The following IL1RAPL1 variants were observed in gnomAD, a reference collection of about 807,000 sequenced individuals.
The protein encoded by IL1RAPL1 is interleukin 1 receptor accessory protein like 1, also known as interleukin-1 receptor accessory protein-like 1.
A neutral mutation model predicts 48.4 loss-of-function variants in IL1RAPL1; 3 were observed. The observed-to-expected ratio is 0.06, with a 90% CI of 0.03 to 0.16. The LOEUF is 0.16. Ranked by LOEUF, IL1RAPL1 falls within the 10% of genes least tolerant of loss-of-function variation. The pLI, the probability that IL1RAPL1 is intolerant of heterozygous loss-of-function variation, is 1.00. For synonymous variants in IL1RAPL1, 185 were observed against 187.7 expected (o/e 0.99, Z 0.12); for missense variants, 349 against 530.6 (o/e 0.66, Z 3.36).
At chrX:29,059,383 A>G (rs747699881) in intron 2 of IL1RAPL1, among the ~76,000 whole-genome samples, 2 of 112,153 alleles carry the variant, frequency 1.8e-5, no homozygotes, top group Non-Finnish European at 1.9e-5. Context: ...AATAAATAGA[A>G]TGGAAGTAAA....
chrX:28,874,031 A>T lies in IL1RAPL1; in HGVS notation c.82+84606A>T, dbSNP rs779853723. Among the ~76,000 whole-genome samples, 23 of 109,998 alleles carry T rather than the reference A, an allele frequency of 2.1e-4. No individual in the cohort carries two copies. The East Asian group carries it at 2.9e-3, about 14-fold the overall frequency. On this transcript the variant is annotated intron_variant, in intron 2 of 10. Coordinates refer to ENST00000378993, the MANE Select transcript of IL1RAPL1 (RefSeq NM_014271.4). ...GATGGATGGGGGAAAAAGAAGTCATATAGTTTAAGGAGAATAAGGAAATCC... is the reference window on the plus strand; with the variant it reads ...GATGGATGGGGGAAAAAGAAGTCATTTAGTTTAAGGAGAATAAGGAAATCC...
intron 3 of IL1RAPL1, among the ~76,000 whole-genome samples, chrX:29,365,736 T>A (rs1191510948): frequency 1.9e-5 from 2 of 106,868 alleles, no homozygotes; most frequent in East Asian, 6.0e-4. Context: ...GGAAAAATAC[T>A]TTTTTAAAAA....
At chrX:29,608,277 C>T (rs907527409) in intron 5 of IL1RAPL1, among the ~76,000 whole-genome samples, 3 of 111,099 alleles carry the variant, frequency 2.7e-5, no homozygotes, top group Non-Finnish European at 5.7e-5. Flanking sequence ...AAGGCCTTGT[C>T]CCAGAAGTGG....
intron 2 of IL1RAPL1, among the ~76,000 whole-genome samples, chrX:29,020,074 C>T (rs746677612): frequency 7.1e-5 from 8 of 112,381 alleles, no homozygotes; most frequent in East Asian, 5.6e-4. Flanking sequence ...ACATAAAGAA[C>T]GAACGAATGA....
chrX:29,254,006 G>C (rs777332424), intron 2 of IL1RAPL1, among the ~76,000 whole-genome samples: 1 of 111,329 alleles, frequency 9.0e-6, no homozygotes, highest in South Asian at 3.7e-4. Context: ...GGACTTAAAA[G>C]GTAAATCAGT....
intron 2 of IL1RAPL1, among the ~76,000 whole-genome samples, chrX:29,282,524 G>A (rs1016333683): frequency 8.9e-6 from 1 of 111,734 alleles, no homozygotes; most frequent in Non-Finnish European, 1.9e-5. Flanking sequence ...AAAATAGGAA[G>A]CAAATCCCTT....
Position 28,753,372 on chromosome X carries a change from A to C in IL1RAPL1, c.-24-35948A>C, listed in dbSNP as rs188722933. 1.7e-3 allele frequency among the ~76,000 whole-genome samples: 189 copies of C among 112,295 alleles called. 1 individual carries two copies. The highest frequency in any genetic ancestry group is 3.0e-3 in the Non-Finnish European group (162 of 53,242). On this transcript the variant is annotated intron_variant, in intron 1 of 10. Transcript: ENST00000378993. ...TTATCTTATGGGAAAATATCATCAT[A>C]CTGCACGTACTTGTGTGGGACTCTG...
chrX:28,684,706 G>A (rs1375006024), intron 1 of IL1RAPL1, among the ~76,000 whole-genome samples: 1 of 111,410 alleles, frequency 9.0e-6, no homozygotes, highest in African/African-American at 3.3e-5. Context: ...TCTTCTTGAG[G>A]GTAGGAGTAG....
At chrX:28,663,041 G>GAAGAA (rs201851927) in intron 1 of IL1RAPL1, among the ~76,000 whole-genome samples, 13 of 111,308 alleles carry the variant, frequency 1.2e-4, no homozygotes, top group East Asian at 8.5e-4. Flanking sequence ...GAATGAAAGG[G>GAAGAA]AAGAAAAGAA....
chrX:29,898,484 T>C (rs1252377815), intron 6 of IL1RAPL1, among the ~76,000 whole-genome samples: 1 of 112,092 alleles, frequency 8.9e-6, no homozygotes, highest in Non-Finnish European at 1.9e-5. Flanking sequence ...TGAAACATCA[T>C]CCAGAACTGA....
chrX:29,897,416 T>C (rs1195429139), intron 6 of IL1RAPL1, among the ~76,000 whole-genome samples: 1 of 112,366 alleles, frequency 8.9e-6, no homozygotes, highest in Non-Finnish European at 1.9e-5. Flanking sequence ...AAGTGGAAGT[T>C]ACAGTGTTGG....
intron 3 of IL1RAPL1, among the ~76,000 whole-genome samples, chrX:29,352,856 T>G (rs1458059064): frequency 8.9e-6 from 1 of 111,828 alleles, no homozygotes; most frequent in Non-Finnish European, 1.9e-5. Flanking sequence ...CAATTAACCT[T>G]GCTTGCCATA....
intron 2 of IL1RAPL1, among the ~76,000 whole-genome samples, chrX:29,179,610 C>T (rs1930102337): frequency 9.0e-6 from 1 of 111,212 alleles, no homozygotes; most frequent in Admixed American, 9.6e-5. Context: ...GGTGCAGTCA[C>T]AATGGTTCTT....
intron 5 of IL1RAPL1, among the ~76,000 whole-genome samples, chrX:29,512,684 G>A (rs1223968852): frequency 1.8e-5 from 2 of 112,005 alleles, no homozygotes; most frequent in East Asian, 5.6e-4. Context: ...ACTTGAGCAA[G>A]AACAAGTGTT....
chrX:29,228,134 A>C (rs1266772524), intron 2 of IL1RAPL1, among the ~76,000 whole-genome samples: 2 of 103,532 alleles, frequency 1.9e-5, no homozygotes, highest in Admixed American at 2.1e-4. Context: ...CCATTCCAGA[A>C]ACTTTCCACG....
intron 2 of IL1RAPL1, among the ~76,000 whole-genome samples, chrX:29,182,350 C>T (rs1343488297): frequency 1.8e-5 from 2 of 111,937 alleles, no homozygotes; most frequent in Non-Finnish European, 3.8e-5. Context: ...GATTTGCAGA[C>T]AGGTGTGTAG....
At chrX:29,294,613 C>G (rs1157090002) in intron 3 of IL1RAPL1, among the ~76,000 whole-genome samples, 2 of 110,454 alleles carry the variant, frequency 1.8e-5, no homozygotes, top group Admixed American at 1.9e-4. Context: ...AATAGCTAGA[C>G]AATATCCATA....
intron 2 of IL1RAPL1, among the ~76,000 whole-genome samples, chrX:28,940,675 G>A (rs1924143129): frequency 9.0e-6 from 1 of 110,616 alleles, no homozygotes; most frequent in South Asian, 3.8e-4. Flanking sequence ...ACTTACTTGG[G>A]GAAATGGAAA....
At chrX:29,536,000 A>G (rs370649519) in intron 5 of IL1RAPL1, among the ~76,000 whole-genome samples, 1 of 112,221 alleles carries the variant, frequency 8.9e-6, no homozygotes, top group East Asian at 2.8e-4. Context: ...TAATAGTTGT[A>G]TAAGAGCACA....
Sources: allele counts gnomAD v4.1 joint callset (sites outside exome capture counted in the v4.1 genomes callset), GRCh38; gene constraint gnomAD v4.1.1; transcripts MANE v1.5; gene names NCBI Gene and HGNC (gene_info 2026-07-23, HGNC 2026-07-21).